Variants in SQOR observed in about 807,000 individuals in gnomAD.
The protein encoded by SQOR is sulfide:quinone oxidoreductase, mitochondrial.
Under a neutral mutation model 48.6 loss-of-function variants are expected in SQOR, and 39 were observed. The ratio of observed to expected loss-of-function variants is 0.80; its 90% CI spans 0.62 to 1.05. SQOR has a LOEUF of 1.05. Among genes scored for constraint, SQOR ranks in the 50% least tolerant of loss-of-function variants. SQOR has a pLI of 0.00. For synonymous variants in SQOR, 220 were observed against 206.2 expected, an observed-to-expected ratio of 1.07 and a Z score of -0.57; for missense variants, 561 against 559.9, an observed-to-expected ratio of 1.00 and a Z score of -0.02.
chr15:45,673,483 A>G, intron 4 of SQOR, 124 bp from the exon 5 acceptor site: 1 of 1,054,278 alleles, frequency 9.5e-7, no homozygotes. Context: ...TGCTCTAGGC[A>G]TGTGGGTATT....
chr15:45,688,423 A>C lies in SQOR; in HGVS notation c.1116+19A>C. ...AAAGAAGGTTTGTATGCCTTGTAAG[A>C]ATCACTGTCTCAATGATCATCTTCC... is the stretch of plus-strand genomic sequence containing the variant. On this transcript the variant is annotated intron_variant, in intron 8 of 9. Transcript: ENST00000260324. The C allele has an allele frequency of 6.5e-7, 1 of 1,545,280 alleles. No individual in the cohort carries two copies.
chr15:45,639,760 T>G lies in SQOR; in HGVS notation c.-18+4652T>G, dbSNP rs978410934. On this transcript the variant is annotated intron_variant, in intron 1 of 9. Coordinates refer to ENST00000260324, the MANE Select transcript of SQOR (RefSeq NM_021199.4). Reference sequence around the variant, plus strand: ...GCTGGGTCTAGTAAATGTGGTTTTGTGTTTCTGTGAGCACATAAATGATGC... The same window carrying G: ...GCTGGGTCTAGTAAATGTGGTTTTGGGTTTCTGTGAGCACATAAATGATGC... Among the ~76,000 whole-genome samples, 5 of 152,214 alleles carry G rather than the reference T, an allele frequency of 3.3e-5. No homozygotes were observed. The East Asian group carries it at 9.6e-4, about 29-fold the overall frequency.
chr15:45,661,289 T>TAAAAA (rs777334925), intron 2 of SQOR, among the ~76,000 whole-genome samples: 18 of 84,368 alleles, frequency 2.1e-4, no homozygotes, highest in Non-Finnish European at 3.0e-4. Flanking sequence ...AGACTCTGTC[T>TAAAAA]TAAAAAAAAA....
At chr15:45,680,209 C>T (rs897172665) in intron 6 of SQOR, among the ~76,000 whole-genome samples, 2 of 152,032 alleles carry the variant, frequency 1.3e-5, no homozygotes, top group African/African-American at 4.8e-5. Context: ...ATCCTCCTAC[C>T]TCAGCCTCCT....
At chr15:45,689,307 G>A (rs1396440622) in intron 9 of SQOR, 90 bp downstream of exon 9, 2 of 1,307,360 alleles carry the variant, frequency 1.5e-6, no homozygotes, top group East Asian at 2.3e-5. Flanking sequence ...TTCATTATTA[G>A]CAGTGACCAA....
At chr15:45,655,999 T>C (rs540582419) in intron 1 of SQOR, among the ~76,000 whole-genome samples, 177 of 150,370 alleles carry the variant, frequency 1.2e-3, no homozygotes, top group African/African-American at 3.7e-3. Flanking sequence ...TTTTTTTTTT[T>C]CCCCGTTTAA....
At chr15:45,663,329 T>C (rs1054842997) in intron 3 of SQOR, among the ~76,000 whole-genome samples, 3 of 152,174 alleles carry the variant, frequency 2.0e-5, no homozygotes, top group African/African-American at 2.4e-5. Flanking sequence ...GCTGAGGCAT[T>C]GTTAAGCTTT....
Position 45,691,259 on chromosome 15 carries a change from T to C in SQOR, c.*229T>C. The C allele has an allele frequency of 2.0e-6, 1 of 511,262 alleles. No individual in the cohort carries two copies. Among genetic ancestry groups the C allele is most frequent in the African/African-American group, 1.9e-5 (1 of 51,630 alleles). The allele number at this position is 511,262 out of a possible 1,614,324, so 31.7% of individuals were successfully genotyped here. On this transcript the variant is annotated 3_prime_UTR_variant, in exon 10 of 10. Coordinates refer to ENST00000260324, the MANE Select transcript of SQOR (RefSeq NM_021199.4). The stretch of plus-strand genomic sequence containing the variant: ...ATAAAATGAAATAATACTTTTATTT[T>C]CTGAATAAAAGTTTGTCACTGATTG...
chr15:45,662,677 C>T (rs1346357432), intron 3 of SQOR, among the ~76,000 whole-genome samples: 1 of 152,230 alleles, frequency 6.6e-6, no homozygotes, highest in Non-Finnish European at 1.5e-5. Context: ...CTCCCACCCT[C>T]ACCACTCAGG....
chr15:45,657,737 T>G (rs1889637774), intron 1 of SQOR, among the ~76,000 whole-genome samples: 1 of 152,166 alleles, frequency 6.6e-6, no homozygotes, highest in African/African-American at 2.4e-5. Context: ...GGCTTCCTCT[T>G]CTCCAGTCGG....
intron 2 of SQOR, 133 bp downstream of exon 2, chr15:45,659,290 C>G (rs760415004): frequency 2.2e-4 from 143 of 647,678 alleles, no homozygotes; most frequent in Non-Finnish European, 2.1e-4. Context: ...AGGGCTTCTC[C>G]TGGGCACAGA....
chr15:45,645,403 T>G (rs558110818), intron 1 of SQOR, among the ~76,000 whole-genome samples: 12 of 152,206 alleles, frequency 7.9e-5, no homozygotes, highest in Non-Finnish European at 1.6e-4. Flanking sequence ...CCTAGAAATT[T>G]GGTCAAACGG....
At chr15:45,679,005 C>A (rs1358790234) in intron 6 of SQOR, among the ~76,000 whole-genome samples, 1 of 152,188 alleles carries the variant, frequency 6.6e-6, no homozygotes, top group Admixed American at 6.5e-5. Context: ...CTTTTATGAG[C>A]AAAGTGTATG....
intron 6 of SQOR, among the ~76,000 whole-genome samples, chr15:45,677,496 A>G (rs1342713259): frequency 2.0e-5 from 3 of 152,222 alleles, no homozygotes; most frequent in Non-Finnish European, 2.9e-5. Context: ...GACTCAGGCT[A>G]CAGTCAGGTA....
chr15:45,673,807 C>T lies in SQOR; in HGVS notation c.654+6C>T. 1 of 1,613,784 alleles carries T rather than the reference C, an allele frequency of 6.2e-7. No individual in the cohort carries two copies. The highest frequency in any genetic ancestry group is 8.5e-7 in the Non-Finnish European group (1 of 1,179,824). On this transcript the variant is annotated splice_donor_region_variant and intron_variant, in intron 5 of 9. Coordinates refer to ENST00000260324, the MANE Select transcript of SQOR (RefSeq NM_021199.4). ...CAGAAGCCTACTTCAGGAAGGTATG[C>T]TTCCTTTCTGGGGACAGAGATGAGC...
chr15:45,648,887 G>C (rs913900794), intron 1 of SQOR, among the ~76,000 whole-genome samples: 7 of 152,224 alleles, frequency 4.6e-5, no homozygotes, highest in Non-Finnish European at 8.8e-5. Context: ...TTGGCCCTGT[G>C]GTTATTGAAA....
chr15:45,665,677 A>G (rs1889801601), intron 3 of SQOR, among the ~76,000 whole-genome samples: 1 of 149,140 alleles, frequency 6.7e-6, no homozygotes, highest in Non-Finnish European at 1.5e-5. Flanking sequence ...TCTGCCTCCC[A>G]GGTTCAAGTG....
chr15:45,662,214 G>A, intron 3 of SQOR, 89 bp downstream of exon 3: 1 of 1,423,700 alleles, frequency 7.0e-7, no homozygotes, highest in Non-Finnish European at 9.7e-7. Flanking sequence ...TGTGTTGAAA[G>A]AGCGGTATAT....
At chr15:45,653,484 T>C (rs911780729) in intron 1 of SQOR, among the ~76,000 whole-genome samples, 3 of 152,172 alleles carry the variant, frequency 2.0e-5, no homozygotes, top group Admixed American at 2.0e-4. Context: ...GGTGCAGAGC[T>C]TACAGGCCCT....
Sources: gnomAD v4.1 joint callset for allele counts (sites outside exome capture counted in the v4.1 genomes callset) on GRCh38, gnomAD v4.1.1 for gene constraint, MANE v1.5 for transcripts, NCBI Gene and HGNC (gene_info 2026-07-23, HGNC 2026-07-21) for gene names.